The following ADAMTS12 variants were observed in gnomAD, a reference collection of about 807,000 sequenced individuals.
ADAMTS12 encodes A disintegrin and metalloproteinase with thrombospondin motifs 12.
A neutral mutation model predicts 167.8 loss-of-function variants in ADAMTS12; 118 were observed. The ratio of observed to expected loss-of-function variants is 0.70; its 90% CI spans 0.61 to 0.82. The LOEUF (loss-of-function observed/expected upper bound fraction) is 0.82, where lower values mean the gene tolerates loss of function less well. ADAMTS12 is among the 40% of genes least tolerant of loss of function. The pLI is 0.00. For missense variants in ADAMTS12, 1,916 were observed against 1,998.8 expected, an observed-to-expected ratio of 0.96 and a Z score of 0.79; for synonymous variants, 704 against 716.9, an observed-to-expected ratio of 0.98 and a Z score of 0.29.
At chr5:33,836,249 C>T (rs184153865) in intron 2 of ADAMTS12, among the ~76,000 whole-genome samples, 2 of 152,160 alleles carry the variant, frequency 1.3e-5, no homozygotes, top group East Asian at 1.9e-4. Flanking sequence ...ACTTCCTCAG[C>T]CTGAAGGAGG....
intron 16 of ADAMTS12, among the ~76,000 whole-genome samples, chr5:33,610,819 C>A (rs565235848): frequency 6.6e-6 from 1 of 152,126 alleles, no homozygotes; most frequent in Non-Finnish European, 1.5e-5. Context: ...GTAATTCCAG[C>A]ACTTTGGGAG....
intron 2 of ADAMTS12, among the ~76,000 whole-genome samples, chr5:33,874,239 G>T (rs1195278920): frequency 6.6e-6 from 1 of 152,126 alleles, no homozygotes; most frequent in Non-Finnish European, 1.5e-5. Flanking sequence ...AAGGAAATTA[G>T]CAACCTGATT....
chr5:33,772,203 A>T (rs1561263502), intron 2 of ADAMTS12, among the ~76,000 whole-genome samples: 1 of 151,650 alleles, frequency 6.6e-6, no homozygotes, highest in African/African-American at 2.4e-5. Flanking sequence ...TTCATTCTAG[A>T]CTCTCAACAG....
chr5:33,528,783 A>T (rs1187633304), intron 23 of ADAMTS12, among the ~76,000 whole-genome samples: 1 of 152,186 alleles, frequency 6.6e-6, no homozygotes, highest in Non-Finnish European at 1.5e-5. Flanking sequence ...ATGGTGGCTC[A>T]CGCCTGTAAT....
intron 19 of ADAMTS12, among the ~76,000 whole-genome samples, chr5:33,574,475 T>C (rs1156617046): frequency 3.3e-5 from 5 of 152,150 alleles, no homozygotes; most frequent in Non-Finnish European, 7.4e-5. Context: ...GAAATCATCA[T>C]TATCAGTAAA....
At chr5:33,864,043 C>T (rs1277478407) in intron 2 of ADAMTS12, among the ~76,000 whole-genome samples, 1 of 152,106 alleles carries the variant, frequency 6.6e-6, no homozygotes, top group East Asian at 1.9e-4. Flanking sequence ...ACACCTTATA[C>T]AAAAATTAAC....
At chr5:33,566,804 T>TC (rs1460711795) in intron 19 of ADAMTS12, among the ~76,000 whole-genome samples, 1 of 152,184 alleles carries the variant, frequency 6.6e-6, no homozygotes, top group East Asian at 1.9e-4. Flanking sequence ...GAGACCTAGT[T>TC]CTAGACAACG....
intron 2 of ADAMTS12, among the ~76,000 whole-genome samples, chr5:33,830,257 T>C (rs1025169993): frequency 6.6e-5 from 10 of 151,704 alleles, no homozygotes; most frequent in African/African-American, 2.2e-4. Context: ...CTTCAGAAGA[T>C]AGAGGGAAGA....
intron 1 of ADAMTS12, among the ~76,000 whole-genome samples, chr5:33,888,688 T>A (rs1750732520): frequency 6.6e-6 from 1 of 152,172 alleles, no homozygotes; most frequent in African/African-American, 2.4e-5. Flanking sequence ...AAAGAGGTCA[T>A]GGAACAGACT....
chr5:33,817,861 T>C lies in ADAMTS12; in HGVS notation c.489+63258A>G, dbSNP rs141191703. Among the ~76,000 whole-genome samples the C allele has an allele frequency of 2.1e-4, 32 of 152,298 alleles. 1 individual carries two copies. In the East Asian group the frequency reaches 5.6e-3, roughly 27 times the overall value. On this transcript the variant is annotated intron_variant, in intron 2 of 23. Coordinates refer to ENST00000504830, the MANE Select transcript of ADAMTS12 (RefSeq NM_030955.4). ...TTTTTCTCCACCTTTCTCTTTTCCA[T>C]TTAACATTATATCATGTAAATCTTT... is the stretch of plus-strand genomic sequence containing the variant.
At chr5:33,764,668 T>C (rs930501849) in intron 2 of ADAMTS12, among the ~76,000 whole-genome samples, 3 of 152,182 alleles carry the variant, frequency 2.0e-5, no homozygotes, top group African/African-American at 7.2e-5. Flanking sequence ...CTTACCTCTT[T>C]TGCTAGGCCT....
chr5:33,551,373 C>T (rs1370167116), intron 20 of ADAMTS12, among the ~76,000 whole-genome samples: 2 of 152,190 alleles, frequency 1.3e-5, no homozygotes, highest in Non-Finnish European at 2.9e-5. Flanking sequence ...TACTTGCCAA[C>T]AGCTTCCCAA....
intron 9 of ADAMTS12, among the ~76,000 whole-genome samples, chr5:33,645,928 A>G (rs1740645842): frequency 6.6e-6 from 1 of 152,204 alleles, no homozygotes; most frequent in Non-Finnish European, 1.5e-5. Flanking sequence ...AGTCTAGTAA[A>G]CAAAAACCTA....
In ADAMTS12 at chr5:33,641,834, G is replaced by A; in HGVS notation, c.1694C>T (p.Ala565Val). Residue 565 changes from alanine (A) to valine (V), a missense_variant, in exon 11 of 24, where the codon GCA becomes GTA. Ala to Val is a moderately conservative substitution (Grantham distance 64). Coordinates refer to ENST00000504830, the MANE Select transcript of ADAMTS12 (RefSeq NM_030955.4). ...SRTCGAGVQS[A>V]ERLCNNPEPK... ...CTCGGGGTTGTTGCAGAGCCTCTCT[G>A]CGCTCTGGACTCCAGCCCCACAGGT... The A allele has an allele frequency of 6.2e-7, 1 of 1,612,502 alleles. No homozygotes were observed. Among genetic ancestry groups the A allele is most frequent in the Admixed American group, 1.7e-5 (1 of 59,980 alleles).
chr5:33,690,151 A>G (rs1742499049), intron 3 of ADAMTS12, among the ~76,000 whole-genome samples: 1 of 152,222 alleles, frequency 6.6e-6, no homozygotes, highest in Non-Finnish European at 1.5e-5. Context: ...GTGTGCATCC[A>G]TTAGCAACAA....
chr5:33,649,204 C>T (rs1201526439), intron 8 of ADAMTS12, among the ~76,000 whole-genome samples: 1 of 152,214 alleles, frequency 6.6e-6, no homozygotes, highest in African/African-American at 2.4e-5. Context: ...ATTAGAAAAT[C>T]ATTATCCTAC....
intron 16 of ADAMTS12, among the ~76,000 whole-genome samples, chr5:33,612,620 A>G (rs1441229314): frequency 1.3e-5 from 2 of 152,192 alleles, no homozygotes; most frequent in East Asian, 3.9e-4. Flanking sequence ...TCAACAAAGT[A>G]TTTATATCTA....
chr5:33,694,379 T>C (rs1448251059), intron 3 of ADAMTS12, among the ~76,000 whole-genome samples: 2 of 152,166 alleles, frequency 1.3e-5, no homozygotes, highest in Non-Finnish European at 2.9e-5. Flanking sequence ...TACTGAGAAA[T>C]ATAAACCTAT....
chr5:33,689,412 C>CA (rs56858878), intron 3 of ADAMTS12, among the ~76,000 whole-genome samples: 110,820 of 148,134 alleles, frequency 0.75, 41,672 homozygotes, highest in South Asian at 0.85. Context: ...AGGATCAACT[C>CA]AAAAAAAAAA....
Sources: gnomAD v4.1 joint callset for allele counts (sites outside exome capture counted in the v4.1 genomes callset) on GRCh38, gnomAD v4.1.1 for gene constraint, MANE v1.5 for transcripts, NCBI Gene and HGNC (gene_info 2026-07-23, HGNC 2026-07-21) for gene names.